Variants in KRT76 observed in about 807,000 individuals in gnomAD.
The protein encoded by KRT76 is keratin 76, also known as keratin, type II cytoskeletal 2 oral.
KRT76 carries 47 observed loss-of-function variants against 44.9 expected under a neutral mutation model. The observed-to-expected ratio is 1.05, with a 90% CI of 0.83 to 1.33. KRT76 has a LOEUF of 1.33. KRT76 is among the 40% of genes most tolerant of loss of function. The pLI, the probability that KRT76 is intolerant of heterozygous loss-of-function variation, is 0.00. For missense variants in KRT76, 860 were observed against 775.8 expected (o/e 1.11, Z -1.29); for synonymous variants, 331 against 294.1 (o/e 1.13, Z -1.28).
Position 52,771,232 on chromosome 12 carries a change from A to G in KRT76, c.1264-13T>C. ...GCAGGTTGGCATTCTGAGGTAGAAA[A>G]TCAATTAGCATAGTGACCCGGAAAC... is the stretch of plus-strand genomic sequence containing the variant. On this transcript the variant is annotated splice_polypyrimidine_tract_variant and intron_variant, in intron 6 of 8. Transcript: ENST00000332411. The G allele has an allele frequency of 6.2e-7, 1 of 1,613,364 alleles. No homozygotes were observed. The highest frequency in any genetic ancestry group is 8.5e-7 in the Non-Finnish European group (1 of 1,179,484).
In KRT76 at chr12:52,772,275, T is replaced by C. The variant is rs1409195353; in HGVS notation, c.973-17A>G. ...GGACAGCTCCTGCAGGAAACATGGA[T>C]AGTTACTCTTACCATCGCCTGGACC... is the stretch of plus-strand genomic sequence containing the variant. On this transcript the variant is annotated splice_polypyrimidine_tract_variant and intron_variant, in intron 4 of 8. Coordinates refer to ENST00000332411, the MANE Select transcript of KRT76 (RefSeq NM_015848.4). 6.3e-7 allele frequency: 1 copy of C among 1,576,826 alleles called. No homozygotes were observed. The highest frequency in any genetic ancestry group is 8.6e-7 in the Non-Finnish European group (1 of 1,160,822).
At chr12:52,773,439 T>A in intron 3 of KRT76, 143 bp downstream of exon 3, 1 of 558,638 alleles carries the variant, frequency 1.8e-6, no homozygotes, top group South Asian at 3.1e-5. Context: ...CATGAAACAT[T>A]TCATTTCCAA....
chr12:52,771,351 G>A (rs1013757245), intron 6 of KRT76, 132 bp from the exon 7 acceptor site: 2 of 879,312 alleles, frequency 2.3e-6, no homozygotes, highest in African/African-American at 1.7e-5. Flanking sequence ...CATGCTCAGA[G>A]AAAAGAAGTC....
At chr12:52,773,204 AT>A (rs2121193149) in intron 3 of KRT76, among the ~76,000 whole-genome samples, 1 of 152,296 alleles carries the variant, frequency 6.6e-6, no homozygotes, top group East Asian at 1.9e-4. Context: ...CTGAACAGAA[AT>A]TAGGGTATTC....
Position 52,776,920 on chromosome 12 carries a change from T to C in KRT76, c.372A>G (p.Gly124=), listed in dbSNP as rs763134108. ...SGFGGAGGFG[G]AGGFGGPGVF... is the part of the protein sequence containing the mutation. ...CACCAGGACCACCAAAGCCACCAGC[T>C]CCACCAAAGCCACCAGCCCCTCCAA... is the stretch of plus-strand genomic sequence containing the variant. The change falls in exon 1 of 9, where the codon GGA becomes GGG. Residue 124 remains glycine, a synonymous_variant. Transcript: ENST00000332411. 1 of 1,612,532 alleles carries C rather than the reference T, an allele frequency of 6.2e-7. No individual in the cohort carries two copies. Among genetic ancestry groups the C allele is most frequent in the Non-Finnish European group, 8.5e-7 (1 of 1,179,376 alleles).
rs1002393494 is a variant in KRT76 at position 52,775,721 on chromosome 12, T to C, written c.601-119A>G. ...TTCTTCAATCTACAATTTCCCCTGT[T>C]TTTTAATTTGGGAAGGATGAAGATT... On this transcript the variant is annotated intron_variant, in intron 1 of 8. Coordinates refer to ENST00000332411, the MANE Select transcript of KRT76 (RefSeq NM_015848.4). 2.4e-5 allele frequency: 18 copies of C among 755,410 alleles called. No homozygotes were observed. In the Admixed American group the frequency reaches 4.6e-4, roughly 19 times the overall value. The allele number at this position is 755,410 out of a possible 1,614,324, so 46.8% of individuals were successfully genotyped here.
intron 3 of KRT76, 88 bp from the exon 4 acceptor site, chr12:52,772,966 G>T (rs965898526): frequency 3.5e-6 from 3 of 865,226 alleles, no homozygotes; most frequent in Non-Finnish European, 5.8e-6. Context: ...TCTCGTCTTT[G>T]TTCCGCCCCC....
Position 52,772,097 on chromosome 12 carries a change from G to C in KRT76, c.1134C>G (p.Thr378=). 6.2e-7 allele frequency: 1 copy of C among 1,609,236 alleles called. No individual in the cohort carries two copies. Among genetic ancestry groups the C allele is most frequent in the Non-Finnish European group, 8.5e-7 (1 of 1,177,038 alleles). Reference sequence around the variant, plus strand: ...AGGACACAGGGAGGGTTCCCACCTTGGTCTGGTACAGGGCCTCAGCTTCAG... The same window carrying C: ...AGGACACAGGGAGGGTTCCCACCTTCGTCTGGTACAGGGCCTCAGCTTCAG... ...SKSEAEALYQ[T]KLGELQTTAG... is the part of the protein sequence containing the mutation. The change falls in exon 5 of 9, where the codon ACC becomes ACG. Residue 378 remains threonine, a synonymous_variant. Transcript: ENST00000332411.
Position 52,768,928 on chromosome 12 carries a change from C to T in KRT76, c.1702G>A (p.Gly568Arg), listed in dbSNP as rs1251188283. The change falls in exon 9 of 9, where the codon GGG becomes AGG. Residue 568 changes from glycine (G) to arginine (R), a missense_variant. Physicochemically the swap from Gly to Arg is moderately radical, Grantham distance 125. Transcript: ENST00000332411. ...GYGGVSSGST[G>R]GRGSSGSYQS... ...TAGCTCCCGCTGCTACCCCTGCCCC[C>T]AGTGCTGCCACTGCTGACCCCTCCA... 8 of 1,565,948 alleles carry T rather than the reference C, an allele frequency of 5.1e-6. No individual in the cohort carries two copies. The African/African-American group carries it at 6.8e-5, about 13-fold the overall frequency.
At chr12:52,771,754 C>T in intron 6 of KRT76, 117 bp downstream of exon 6, 1 of 1,307,212 alleles carries the variant, frequency 7.6e-7, no homozygotes, top group Non-Finnish European at 1.1e-6. Flanking sequence ...ACTGCGCTAT[C>T]CCACATGTGA....
rs1012497616 is a variant in KRT76, at chr12:52,772,891, T to C, written c.877-13A>G. The C allele has an allele frequency of 6.2e-7, 1 of 1,604,362 alleles. No individual in the cohort carries two copies. Among genetic ancestry groups the C allele is most frequent in the Admixed American group, 1.7e-5 (1 of 59,994 alleles). On this transcript the variant is annotated splice_polypyrimidine_tract_variant and intron_variant, in intron 3 of 8. Coordinates refer to ENST00000332411, the MANE Select transcript of KRT76 (RefSeq NM_015848.4). ...CCGCATCCACATCCTGCAGAGGAGG[T>C]CAGAAACCCAGAGAATGACCCTCTG...
chr12:52,768,897 C>T lies in KRT76; in HGVS notation c.1733G>A (p.Ser578Asn). The T allele has an allele frequency of 1.9e-6, 3 of 1,611,954 alleles. No homozygotes were observed. The highest frequency in any genetic ancestry group is 1.7e-6 in the Non-Finnish European group (2 of 1,178,468). ...GGRGSSGSYQ[S>N]SSSGSRLGGA... Reference sequence around the variant, plus strand: ...GCCGAGCCTGCTCCCACTACTGCTGCTCTGGTAGCTCCCGCTGCTACCCCT... The same window carrying T: ...GCCGAGCCTGCTCCCACTACTGCTGTTCTGGTAGCTCCCGCTGCTACCCCT... The change falls in exon 9 of 9, where the codon AGC (serine) becomes AAC (asparagine). Residue 578 changes from serine (S) to asparagine (N), a missense_variant. Physicochemically the swap from Ser to Asn is conservative, Grantham distance 46. Coordinates refer to ENST00000332411, the MANE Select transcript of KRT76 (RefSeq NM_015848.4).
In KRT76 at chr12:52,769,128, C is replaced by A; in HGVS notation, c.1520-18G>T. On this transcript the variant is annotated intron_variant, in intron 8 of 8. Transcript: ENST00000332411. Reference sequence around the variant, plus strand: ...GACCACTGCTACAAGACAACAGGCACACAATTCAGGCAAAGGGCCTGGGAA... The same window carrying A: ...GACCACTGCTACAAGACAACAGGCAAACAATTCAGGCAAAGGGCCTGGGAA... The A allele has an allele frequency of 1.5e-6, 1 of 685,758 alleles. No individual in the cohort carries two copies. Among genetic ancestry groups the A allele is most frequent in the Non-Finnish European group, 2.7e-6 (1 of 363,868 alleles). The allele number at this position is 685,758 out of a possible 1,614,324, so 42.5% of individuals were successfully genotyped here. A position where few individuals can be genotyped will look rare whatever the true frequency, so the allele number is the denominator to read the frequency against.
chr12:52,777,067 G>A lies in KRT76; in HGVS notation c.225C>T (p.Ser75=), dbSNP rs774511905. 6.2e-7 allele frequency: 1 copy of A among 1,614,192 alleles called. No individual in the cohort carries two copies. Among genetic ancestry groups the A allele is most frequent in the Admixed American group, 1.7e-5 (1 of 60,026 alleles). ...KSISISVAAG[S]SRAGGFGGGR... ...CTCCCCCAAAGCCTCCAGCCCGGGAGCTGCCAGCTGCCACGCTGATGGAGA... is the reference window on the plus strand; with the variant it reads ...CTCCCCCAAAGCCTCCAGCCCGGGAACTGCCAGCTGCCACGCTGATGGAGA... The change falls in exon 1 of 9, where the codon AGC becomes AGT. Residue 75 remains serine, a synonymous_variant. Coordinates refer to ENST00000332411, the MANE Select transcript of KRT76 (RefSeq NM_015848.4).
chr12:52,775,505 C>T lies in KRT76; in HGVS notation c.698G>A (p.Cys233Tyr). 1 of 1,614,206 alleles carries T rather than the reference C, an allele frequency of 6.2e-7. No homozygotes were observed. Among genetic ancestry groups the T allele is most frequent in the Non-Finnish European group, 8.5e-7 (1 of 1,180,034 alleles). Residue 233 changes from cysteine (C) to tyrosine (Y), a missense_variant, in exon 2 of 9, where the codon TGT (cysteine) becomes TAT (tyrosine). By Grantham distance (194) the Cys-to-Tyr change is radical. Transcript: ENST00000332411. Reference sequence around the variant, plus strand: ...TAGGAAGCTGATGTAGGATTCAAAACAAGGCTCCAGGCTGCTGGGCCCTGA... The same window carrying T: ...TAGGAAGCTGATGTAGGATTCAAAATAAGGCTCCAGGCTGCTGGGCCCTGA... ...TGSGPSSLEP[C>Y]FESYISFLCK...
At chr12:52,771,273 A>T (rs78930089) in intron 6 of KRT76, 54 bp from the exon 7 acceptor site, 44 of 1,532,218 alleles carry the variant, frequency 2.9e-5, no homozygotes, top group Non-Finnish European at 3.8e-5. Context: ...CTTGATCCTT[A>T]CTAGGAGTAG....
intron 7 of KRT76, among the ~76,000 whole-genome samples, chr12:52,770,293 T>C (rs1939159391): frequency 6.6e-6 from 1 of 152,212 alleles, no homozygotes; most frequent in South Asian, 2.1e-4. Context: ...CTCCATCAGA[T>C]TGGGAGCTAC....
Position 52,770,991 on chromosome 12 carries a change from C to A in KRT76, c.1484+8G>T. On this transcript the variant is annotated splice_region_variant and intron_variant, in intron 7 of 8. Transcript: ENST00000332411. ...TATCTGGAGAATGGTGATCCCATGGCCCCTCACCTGCACTCCTCTCCCTCC... is the reference window on the plus strand; with the variant it reads ...TATCTGGAGAATGGTGATCCCATGGACCCTCACCTGCACTCCTCTCCCTCC... 1 of 1,614,052 alleles carries A rather than the reference C, an allele frequency of 6.2e-7. No individual in the cohort carries two copies. The highest frequency in any genetic ancestry group is 8.5e-7 in the Non-Finnish European group (1 of 1,179,980).
rs1469218145 is a variant in KRT76 at position 52,771,890 on chromosome 12, A to G, written c.1244T>C (p.Ile415Thr). 5 of 1,613,702 alleles carry G rather than the reference A, an allele frequency of 3.1e-6. No homozygotes were observed. Among genetic ancestry groups the G allele is most frequent in the Admixed American group, 1.7e-5 (1 of 59,988 alleles). Residue 415 changes from isoleucine (I) to threonine (T), a missense_variant, in exon 6 of 9, where the codon ATT becomes ACT. Coordinates refer to ENST00000332411, the MANE Select transcript of KRT76 (RefSeq NM_015848.4). ...NRMIQRLRAE[I>T]ENVKKQNANL... ...CCCCACCTGCTTCTTGACATTTTCA[A>G]TCTCAGCCCGTAGCCTCTGGATCAT...
Sources: gnomAD v4.1 joint callset for allele counts (sites outside exome capture counted in the v4.1 genomes callset) on GRCh38, gnomAD v4.1.1 for gene constraint, MANE v1.5 for transcripts, NCBI Gene and HGNC (gene_info 2026-07-23, HGNC 2026-07-21) for gene names.